Variants in NRXN3 observed in about 807,000 individuals in gnomAD.
NRXN3 encodes neurexin 3.
A neutral mutation model predicts 137.6 loss-of-function variants in NRXN3; 32 were observed. The ratio of observed to expected loss-of-function variants is 0.23; its 90% CI spans 0.18 to 0.31. The LOEUF (loss-of-function observed/expected upper bound fraction) is 0.31. Among genes scored for constraint, NRXN3 ranks in the 10% least tolerant of loss-of-function variants. NRXN3 has a pLI of 1.00. For synonymous variants in NRXN3, 798 were observed against 784.5 expected, an observed-to-expected ratio of 1.02 and a Z score of -0.29; for missense variants, 1,574 against 2,062.5, an observed-to-expected ratio of 0.76 and a Z score of 4.59.
chr14:79,444,061 A>T (rs568778823), intron 15 of NRXN3, among the ~76,000 whole-genome samples: 1 of 152,264 alleles, frequency 6.6e-6, no homozygotes, highest in East Asian at 1.9e-4. Flanking sequence ...GAAGGGATGA[A>T]AATAAATCCT....
At chr14:78,595,976 G>A (rs1224792347) in intron 4 of NRXN3, among the ~76,000 whole-genome samples, 1 of 152,186 alleles carries the variant, frequency 6.6e-6, no homozygotes, top group Non-Finnish European at 1.5e-5. Context: ...TCACACTGGG[G>A]ATGGGTGGGG....
intron 1 of NRXN3, among the ~76,000 whole-genome samples, chr14:78,204,255 A>AT (rs61249208): frequency 0.19 from 27,958 of 148,118 alleles, 2,705 homozygotes; most frequent in East Asian, 0.33. Flanking sequence ...AAAAAGTGAC[A>AT]TTTTTTTTTT....
chr14:78,370,097 C>T (rs1032410607), intron 4 of NRXN3, among the ~76,000 whole-genome samples: 1 of 152,148 alleles, frequency 6.6e-6, no homozygotes, highest in African/African-American at 2.4e-5. Context: ...TAGTCATTCC[C>T]TCCTTTCCAG....
chr14:79,430,189 G>A (rs1234899224), intron 15 of NRXN3, among the ~76,000 whole-genome samples: 4 of 152,142 alleles, frequency 2.6e-5, no homozygotes. Context: ...TGTCTGAAAA[G>A]AAAAATTCCA....
chr14:79,810,551 C>T (rs2099228301), intron 20 of NRXN3, among the ~76,000 whole-genome samples: 1 of 152,194 alleles, frequency 6.6e-6, no homozygotes. Flanking sequence ...CTCCTCAAAT[C>T]TACAATATTC....
chr14:78,624,559 T>C (rs1022716359), intron 4 of NRXN3, among the ~76,000 whole-genome samples: 13 of 152,228 alleles, frequency 8.5e-5, no homozygotes, highest in Admixed American at 8.5e-4. Flanking sequence ...TGCTCCCCTC[T>C]GCCATCTTTT....
At chr14:78,287,097 C>G (rs2153513395) in intron 3 of NRXN3, among the ~76,000 whole-genome samples, 1 of 152,260 alleles carries the variant, frequency 6.6e-6, no homozygotes, top group Middle Eastern at 3.4e-3. Flanking sequence ...CCAGGTGATT[C>G]TAATACAACC....
rs1200618826 is a variant in NRXN3 at position 78,999,337 on chromosome 14, G to GA, written c.3262+11203dup. 2.0e-5 allele frequency among the ~76,000 whole-genome samples: 3 copies of GA among 152,018 alleles called. No individual in the cohort carries two copies. In the East Asian group the frequency reaches 5.8e-4, roughly 29 times the overall value. The stretch of plus-strand genomic sequence containing the variant: ...AACACATAAAAGTATGAGGCAGTAG[G>GA]AAAAAAACATGCTTAATTTCATCAA... On this transcript the variant is annotated intron_variant, in intron 15 of 20. Transcript: ENST00000335750.
At chr14:79,118,060 T>A (rs2620396) in intron 15 of NRXN3, among the ~76,000 whole-genome samples, 5,571 of 151,656 alleles carry the variant, frequency 0.037, 336 homozygotes, top group African/African-American at 0.13. Context: ...TTAGTGAAGA[T>A]GTTAGAGCTG....
intron 19 of NRXN3, among the ~76,000 whole-genome samples, chr14:79,743,116 G>T (rs1286936956): frequency 6.6e-6 from 1 of 152,090 alleles, no homozygotes; most frequent in Non-Finnish European, 1.5e-5. Flanking sequence ...GTCCACGGAG[G>T]TTCATCACAT....
intron 8 of NRXN3, among the ~76,000 whole-genome samples, chr14:78,767,991 C>A (rs1213445245): frequency 4.0e-5 from 6 of 151,144 alleles, no homozygotes; most frequent in African/African-American, 1.2e-4. Flanking sequence ...ATTTGTCCTT[C>A]ACTCTATTTC....
intron 1 of NRXN3, among the ~76,000 whole-genome samples, chr14:78,205,220 A>C (rs2153401937): frequency 6.6e-6 from 1 of 152,362 alleles, no homozygotes; most frequent in South Asian, 2.1e-4. Flanking sequence ...GATGTGTTTA[A>C]GTATTTCTGA....
At chr14:79,580,437 TTTTTTTTTTTTTTTCATAACTCAGCATC>T (rs1390135365) in intron 16 of NRXN3, among the ~76,000 whole-genome samples, 1 of 90,148 alleles carries the variant, frequency 1.1e-5, no homozygotes, top group Admixed American at 9.0e-5. Context: ...AAGATTATGT[TTTTTTTTTTTTTTTCATAACTCAGCATC>T]TTTGTGAGCT....
At chr14:79,007,180 G>A (rs986163220) in intron 15 of NRXN3, among the ~76,000 whole-genome samples, 1 of 152,186 alleles carries the variant, frequency 6.6e-6, no homozygotes, top group Non-Finnish European at 1.5e-5. Flanking sequence ...GACATCAGGT[G>A]TATCAAATAT....
At chr14:78,318,444 C>G (rs1350597750) in intron 4 of NRXN3, among the ~76,000 whole-genome samples, 1 of 152,164 alleles carries the variant, frequency 6.6e-6, no homozygotes, top group Non-Finnish European at 1.5e-5. Context: ...TGAGGCAGCC[C>G]TCTAGTCTCA....
chr14:79,449,326 G>T (rs2096124728), intron 15 of NRXN3, among the ~76,000 whole-genome samples: 1 of 152,090 alleles, frequency 6.6e-6, no homozygotes, highest in African/African-American at 2.4e-5. Context: ...GCAACCTGAG[G>T]TCTCTGACAT....
chr14:78,291,840 A>T (rs796187996), intron 3 of NRXN3, among the ~76,000 whole-genome samples: 8 of 152,374 alleles, frequency 5.3e-5, no homozygotes, highest in African/African-American at 1.7e-4. Flanking sequence ...TCACTGAGAT[A>T]AAAGTTACTC....
chr14:79,262,446 AGAG>A (rs1568842760), intron 15 of NRXN3, among the ~76,000 whole-genome samples: 1 of 150,162 alleles, frequency 6.7e-6, no homozygotes, highest in African/African-American at 2.5e-5. Flanking sequence ...AGGAGGAGAA[AGAG>A]GAGGAGGAAG....
At chr14:79,376,592 G>A (rs2094309339) in intron 15 of NRXN3, among the ~76,000 whole-genome samples, 1 of 152,100 alleles carries the variant, frequency 6.6e-6, no homozygotes, top group South Asian at 2.1e-4. Flanking sequence ...TGATGTCATT[G>A]ATGAGATTGC....
Sources: gnomAD v4.1 joint callset for allele counts (sites outside exome capture counted in the v4.1 genomes callset) on GRCh38, gnomAD v4.1.1 for gene constraint, MANE v1.5 for transcripts, NCBI Gene and HGNC (gene_info 2026-07-23, HGNC 2026-07-21) for gene names.